The following LINGO2 variants were observed in gnomAD, a reference collection of about 807,000 sequenced individuals.
The protein encoded by LINGO2 is leucine rich repeat and Ig domain containing 2.
In LINGO2, 14 loss-of-function variants were observed where a neutral mutation model predicts 30.6. The ratio of observed to expected loss-of-function variants is 0.46; its 90% CI spans 0.30 to 0.72. The LOEUF is 0.72. Among genes scored for constraint, LINGO2 ranks in the 30% least tolerant of loss-of-function variants. The pLI is 0.07. For synonymous variants in LINGO2, 317 were observed against 288.5 expected, an observed-to-expected ratio of 1.10 and a Z score of -1.00; for missense variants, 729 against 751.7, an observed-to-expected ratio of 0.97 and a Z score of 0.35.
intron 4 of LINGO2, among the ~76,000 whole-genome samples, chr9:28,187,432 G>A (rs1819581365): frequency 6.6e-6 from 1 of 150,960 alleles, no homozygotes; most frequent in African/African-American, 2.4e-5. Flanking sequence ...GGAGGTTGCA[G>A]TGAGCTGAGA....
At chr9:28,631,152 T>C (rs1403225543) in intron 1 of LINGO2, among the ~76,000 whole-genome samples, 1 of 151,954 alleles carries the variant, frequency 6.6e-6, no homozygotes, top group Non-Finnish European at 1.5e-5. Flanking sequence ...TTTATCACTT[T>C]ATTTATTTAT....
At chr9:27,944,748 C>T (rs1823298773), downstream of LINGO2, among the ~76,000 whole-genome samples, 1 of 152,022 alleles carries the variant, frequency 6.6e-6, no homozygotes, top group Admixed American at 6.6e-5. Context: ...TAAGTCTTTA[C>T]CTAAGTGCTG....
chr9:28,453,567 T>C (rs1824731542), intron 2 of LINGO2, among the ~76,000 whole-genome samples: 1 of 151,980 alleles, frequency 6.6e-6, no homozygotes, highest in Non-Finnish European at 1.5e-5. Flanking sequence ...CTTAGGGATA[T>C]TTAAGTTAAA....
At position 27,998,953 on chromosome 9, in the gene LINGO2, G is replaced by A. The variant is rs1587651691; in HGVS notation, c.-36+13402C>T. Among the ~76,000 whole-genome samples, 3 of 152,216 alleles carry A rather than the reference G, an allele frequency of 2.0e-5. No homozygotes were observed. The South Asian group carries it at 6.2e-4, about 32-fold the overall frequency. On this transcript the variant is annotated intron_variant, in intron 5 of 5. Transcript: ENST00000379992. ...CTAAGTTCAGCCTTAAGTACCTAGG[G>A]TTCTACAGAAGGTGCAGATTAGGGT...
At chr9:27,949,341 C>G (rs1174210544) in exon 6 of LINGO2, 1 of 1,614,098 alleles carries the variant, frequency 6.2e-7, no homozygotes. Flanking sequence ...GGGTGTCACC[C>G]AGGAAATCAC....
chr9:28,497,697 G>A (rs1819696434), intron 1 of LINGO2, among the ~76,000 whole-genome samples: 4 of 152,154 alleles, frequency 2.6e-5, no homozygotes, highest in Admixed American at 2.6e-4. Flanking sequence ...TTCCGTTGCT[G>A]GTGAGGAGTT....
chr9:28,867,100 C>A, the LINGO2 span, among the ~76,000 whole-genome samples: 5 of 152,078 alleles, frequency 3.3e-5, no homozygotes, highest in South Asian at 1.0e-3. Context: ...AGCTGCAGAA[C>A]TGACAGAGGA....
intron 5 of LINGO2, among the ~76,000 whole-genome samples, chr9:27,990,187 C>T (rs1275930450): frequency 6.6e-6 from 1 of 152,012 alleles, no homozygotes; most frequent in East Asian, 1.9e-4. Context: ...TGCCAATATT[C>T]TACCATTTTT....
At chr9:28,763,799 A>C in the LINGO2 span, among the ~76,000 whole-genome samples, 1 of 151,696 alleles carries the variant, frequency 6.6e-6, no homozygotes, top group African/African-American at 2.4e-5. Flanking sequence ...GAAGAGAGAG[A>C]GAGAGAGGAT....
rs201044803 is a variant in LINGO2, at chr9:28,062,560, AT to A, written c.-86-50156del. On this transcript the variant is annotated intron_variant, in intron 4 of 5. Coordinates refer to ENST00000379992, the Ensembl canonical transcript of LINGO2. ...TATATACTATATATTGTATATACAT[AT>A]ATAGTATATATACACAATCAAATAT... 2.7e-3 allele frequency among the ~76,000 whole-genome samples: 400 copies of A among 146,636 alleles called. 2 individuals carry two copies. Among genetic ancestry groups the A allele is most frequent in the African/African-American group, 8.5e-3 (343 of 40,238 alleles).
the LINGO2 span, among the ~76,000 whole-genome samples, chr9:28,945,312 T>A: frequency 6.6e-6 from 1 of 152,306 alleles, no homozygotes; most frequent in East Asian, 1.9e-4. Context: ...TGATAAACAA[T>A]AGTAAAATCA....
intron 4 of LINGO2, among the ~76,000 whole-genome samples, chr9:28,238,578 G>T (rs1026291391): frequency 6.6e-6 from 1 of 151,940 alleles, no homozygotes; most frequent in Non-Finnish European, 1.5e-5. Flanking sequence ...AAAGGAAATT[G>T]GAATTTTTTT....
chr9:28,645,919 T>C (rs1157371119), intron 1 of LINGO2, among the ~76,000 whole-genome samples: 3 of 152,110 alleles, frequency 2.0e-5, no homozygotes. Flanking sequence ...AGACATGAGT[T>C]GAATACCAGG....
chr9:28,479,841 T>C (rs1228642380), intron 1 of LINGO2, among the ~76,000 whole-genome samples: 1 of 94,144 alleles, frequency 1.1e-5, no homozygotes, highest in Non-Finnish European at 2.3e-5. Context: ...TGGAACCATG[T>C]CATCTGTGTG....
intron 3 of LINGO2, among the ~76,000 whole-genome samples, chr9:28,317,692 T>C (rs2134284618): frequency 6.6e-6 from 1 of 152,302 alleles, no homozygotes; most frequent in Non-Finnish European, 1.5e-5. Context: ...CTTTCTCCCT[T>C]TTCTACTGTT....
chr9:28,125,411 G>T (rs1827209044), intron 4 of LINGO2, among the ~76,000 whole-genome samples: 1 of 152,036 alleles, frequency 6.6e-6, no homozygotes, highest in Non-Finnish European at 1.5e-5. Context: ...CTGCTTATAT[G>T]CAGCATACAT....
the LINGO2 span, among the ~76,000 whole-genome samples, chr9:28,727,831 CA>C: frequency 7.2e-5 from 11 of 152,048 alleles, no homozygotes; most frequent in African/African-American, 2.4e-4. Context: ...GAAGGAGAAA[CA>C]TAGATAGAGA....
At chr9:28,928,753 T>C in the LINGO2 span, among the ~76,000 whole-genome samples, 5 of 152,290 alleles carry the variant, frequency 3.3e-5, no homozygotes, top group South Asian at 1.0e-3. Flanking sequence ...TTTTAACTGG[T>C]ACACTTCTGA....
intron 3 of LINGO2, among the ~76,000 whole-genome samples, chr9:28,311,121 T>A (rs536299407): frequency 1.3e-5 from 2 of 152,056 alleles, no homozygotes; most frequent in Non-Finnish European, 2.9e-5. Context: ...GGGGGAGACA[T>A]CACATGTCAG....
Sources: gnomAD v4.1 joint callset for allele counts (sites outside exome capture counted in the v4.1 genomes callset) on GRCh38, gnomAD v4.1.1 for gene constraint, MANE v1.5 for transcripts, NCBI Gene and HGNC (gene_info 2026-07-23, HGNC 2026-07-21) for gene names.